The following SLC24A2 variants were observed in gnomAD, a reference collection of about 807,000 sequenced individuals.
SLC24A2 encodes solute carrier family 24 member 2.
Under a neutral mutation model 62.0 loss-of-function variants are expected in SLC24A2, and 36 were observed. The observed-to-expected ratio is 0.58, with a 90% CI of 0.44 to 0.77. The LOEUF (loss-of-function observed/expected upper bound fraction) is 0.77, where lower values mean the gene tolerates loss of function less well. Among genes scored for constraint, SLC24A2 ranks in the 30% least tolerant of loss-of-function variants. The pLI is 0.00. For missense variants in SLC24A2, 846 were observed against 817.9 expected (o/e 1.03, Z -0.42); for synonymous variants, 358 against 294.0 (o/e 1.22, Z -2.23).
the SLC24A2 span, among the ~76,000 whole-genome samples, chr9:20,036,409 C>T: frequency 7.1e-6 from 1 of 141,792 alleles, no homozygotes; most frequent in African/African-American, 2.6e-5. Flanking sequence ...CCACATTGTG[C>T]AATAGAACTT....
chr9:19,677,377 T>C (rs936248505), intron 2 of SLC24A2, among the ~76,000 whole-genome samples: 5 of 152,068 alleles, frequency 3.3e-5, no homozygotes, highest in African/African-American at 9.7e-5. Flanking sequence ...GGAAACTAAA[T>C]GATGAGAACA....
At chr9:19,710,124 G>T (rs180726338) in intron 2 of SLC24A2, among the ~76,000 whole-genome samples, 1 of 152,152 alleles carries the variant, frequency 6.6e-6, no homozygotes, top group East Asian at 1.9e-4. Context: ...GATTGGAGAG[G>T]GGCCTCTTTA....
the SLC24A2 span, among the ~76,000 whole-genome samples, chr9:20,112,977 G>A: frequency 6.6e-6 from 1 of 152,082 alleles, no homozygotes; most frequent in Non-Finnish European, 1.5e-5. Context: ...AGACACAAGT[G>A]AAGCAAGTAA....
chr9:20,186,255 A>G, the SLC24A2 span, among the ~76,000 whole-genome samples: 1 of 152,272 alleles, frequency 6.6e-6, no homozygotes, highest in East Asian at 1.9e-4. Context: ...TGCCATATTC[A>G]AAGAAGTAGA....
the SLC24A2 span, among the ~76,000 whole-genome samples, chr9:20,151,966 T>TA: frequency 6.6e-6 from 1 of 151,888 alleles, no homozygotes; most frequent in Non-Finnish European, 1.5e-5. Context: ...GGGCTTATAT[T>TA]AGTGAAAATT....
At chr9:19,929,596 A>G in the SLC24A2 span, 7 of 152,204 alleles carry the variant, frequency 4.6e-5, no homozygotes, top group African/African-American at 1.7e-4. Context: ...AATACTTGAT[A>G]ATAATAAATG....
the SLC24A2 span, among the ~76,000 whole-genome samples, chr9:19,963,949 G>C: frequency 1.8e-4 from 27 of 152,136 alleles, no homozygotes; most frequent in African/African-American, 6.0e-4. Flanking sequence ...ATTCACAATA[G>C]CAAAGACTTG....
chr9:19,961,872 A>G, the SLC24A2 span, among the ~76,000 whole-genome samples: 87 of 152,132 alleles, frequency 5.7e-4, no homozygotes, highest in Admixed American at 1.4e-3. Flanking sequence ...GAACTTGGAA[A>G]CTGATCCTCC....
At chr9:19,713,191 T>C (rs960345236) in intron 2 of SLC24A2, among the ~76,000 whole-genome samples, 8 of 152,126 alleles carry the variant, frequency 5.3e-5, no homozygotes, top group African/African-American at 1.9e-4. Context: ...AGTATCTAGT[T>C]GATTGGTAGA....
chr9:19,684,469 G>T (rs73430042), intron 2 of SLC24A2, among the ~76,000 whole-genome samples: 4,064 of 152,122 alleles, frequency 0.027, 188 homozygotes, highest in African/African-American at 0.093. Flanking sequence ...AAGCATTCAG[G>T]ACATGTGGCT....
chr9:20,274,639 T>C, the SLC24A2 span, among the ~76,000 whole-genome samples: 5 of 152,150 alleles, frequency 3.3e-5, no homozygotes, highest in Non-Finnish European at 7.4e-5. Flanking sequence ...CTCAGAGATG[T>C]GAAGGGAACA....
At chr9:19,722,730 G>A (rs557430653) in intron 2 of SLC24A2, among the ~76,000 whole-genome samples, 5 of 151,460 alleles carry the variant, frequency 3.3e-5, no homozygotes, top group South Asian at 2.1e-4. Flanking sequence ...CCTATGCAAC[G>A]GAAATTCCAG....
At chr9:20,051,661 T>C in the SLC24A2 span, among the ~76,000 whole-genome samples, 60 of 131,500 alleles carry the variant, frequency 4.6e-4, no homozygotes, top group South Asian at 7.5e-3. Context: ...CTTTCTCTTT[T>C]TTTTTTTTTT....
At chr9:20,099,227 A>G in the SLC24A2 span, among the ~76,000 whole-genome samples, 1 of 152,220 alleles carries the variant, frequency 6.6e-6, no homozygotes, top group African/African-American at 2.4e-5. Context: ...TTCTTGAAAC[A>G]TGTTAATATA....
the SLC24A2 span, among the ~76,000 whole-genome samples, chr9:20,238,773 C>T: frequency 1.1e-4 from 17 of 152,070 alleles, no homozygotes; most frequent in African/African-American, 4.1e-4. Flanking sequence ...AAGTATTAAC[C>T]CCCAGCATGA....
At chr9:20,295,022 A>G in the SLC24A2 span, among the ~76,000 whole-genome samples, 1 of 147,994 alleles carries the variant, frequency 6.8e-6, no homozygotes, top group Non-Finnish European at 1.5e-5. Context: ...GTATCTGTGC[A>G]TATGTGTATA....
chr9:19,636,315 T>TTTTCTTTTCTTTTCTTTTTTTTCTTTC, intron 2 of SLC24A2, among the ~76,000 whole-genome samples: 2 of 40,328 alleles, frequency 5.0e-5, no homozygotes, highest in Non-Finnish European at 9.4e-5. Context: ...TTTTCTTTTC[T>TTTTCTTTTCTTTTCTTTTTTTTCTTTC]TTTCTTTCTT....
chr9:19,868,575 A>G, the SLC24A2 span, among the ~76,000 whole-genome samples: 1 of 152,100 alleles, frequency 6.6e-6, no homozygotes, highest in African/African-American at 2.4e-5. Context: ...TTTTTTGAGA[A>G]TGGGATATTA....
chr9:19,964,788 C>T, the SLC24A2 span, among the ~76,000 whole-genome samples: 1 of 152,212 alleles, frequency 6.6e-6, no homozygotes, highest in Admixed American at 6.5e-5. Flanking sequence ...CCTGCCATTG[C>T]TCTACCTTCC....
Sources: allele counts gnomAD v4.1 joint callset (sites outside exome capture counted in the v4.1 genomes callset), GRCh38; gene constraint gnomAD v4.1.1; transcripts MANE v1.5; gene names NCBI Gene and HGNC (gene_info 2026-07-23, HGNC 2026-07-21).